The following SMYD3 variants were observed in gnomAD, a reference collection of about 807,000 sequenced individuals.
The protein encoded by SMYD3 is histone-lysine N-methyltransferase SMYD3.
SMYD3 carries 36 observed loss-of-function variants against 57.7 expected under a neutral mutation model. The ratio of observed to expected loss-of-function variants is 0.62; its 90% confidence interval spans 0.48 to 0.82. The LOEUF is 0.82. Ranked by LOEUF, SMYD3 falls within the 40% of genes least tolerant of loss-of-function variation. The pLI, the probability that SMYD3 is intolerant of heterozygous loss-of-function variation, is 0.00. For missense variants in SMYD3, 515 were observed against 538.8 expected (o/e 0.96, Z 0.44); for synonymous variants, 211 against 195.0 (o/e 1.08, Z -0.68).
At chr1:246,023,858 C>T (rs2059523633) in intron 5 of SMYD3, among the ~76,000 whole-genome samples, 1 of 123,380 alleles carries the variant, frequency 8.1e-6, no homozygotes, top group Admixed American at 7.7e-5. Flanking sequence ...TGAAAAATAT[C>T]ACCCAGTACT....
intron 5 of SMYD3, among the ~76,000 whole-genome samples, chr1:246,160,141 A>G (rs2062091608): frequency 6.6e-6 from 1 of 152,160 alleles, no homozygotes; most frequent in Admixed American, 6.5e-5. Context: ...CTGCTTTAAC[A>G]ATATGCCTCT....
At chr1:246,215,232 T>C (rs1415498788) in intron 5 of SMYD3, among the ~76,000 whole-genome samples, 1 of 152,104 alleles carries the variant, frequency 6.6e-6, no homozygotes. Flanking sequence ...TAAATACATC[T>C]TTGTTTGCAT....
At chr1:246,416,307 C>T (rs944421966) in intron 1 of SMYD3, among the ~76,000 whole-genome samples, 8 of 152,120 alleles carry the variant, frequency 5.3e-5, no homozygotes, top group Admixed American at 5.2e-4. Context: ...TTTTACATTA[C>T]AGAACTAATA....
chr1:245,938,436 C>T (rs895569644), intron 5 of SMYD3, among the ~76,000 whole-genome samples: 6 of 152,172 alleles, frequency 3.9e-5, no homozygotes, highest in African/African-American at 9.6e-5. Context: ...ACAGATCAGA[C>T]GAGAGAGAGT....
chr1:246,366,470 C>T (rs778103249), intron 1 of SMYD3, among the ~76,000 whole-genome samples: 3 of 151,982 alleles, frequency 2.0e-5, no homozygotes, highest in Non-Finnish European at 4.4e-5. Flanking sequence ...AGCCCCCTGG[C>T]AGGCTCCCCT....
At chr1:246,058,205 C>T (rs959490791) in intron 5 of SMYD3, among the ~76,000 whole-genome samples, 2 of 152,044 alleles carry the variant, frequency 1.3e-5, no homozygotes, top group Non-Finnish European at 2.9e-5. Context: ...CAAGAGTGAA[C>T]GCTAACAGAA....
chr1:245,977,600 A>C (rs561286361), intron 5 of SMYD3, among the ~76,000 whole-genome samples: 1 of 152,214 alleles, frequency 6.6e-6, no homozygotes, highest in East Asian at 1.9e-4. Context: ...AATTACATGA[A>C]CCCAGGAGGT....
At chr1:246,177,312 GA>G (rs1288734560) in intron 5 of SMYD3, among the ~76,000 whole-genome samples, 1 of 152,126 alleles carries the variant, frequency 6.6e-6, no homozygotes, top group Non-Finnish European at 1.5e-5. Flanking sequence ...CATCATTTAA[GA>G]GTTTATAAGT....
chr1:245,803,375 C>A (rs1301211547), intron 10 of SMYD3, among the ~76,000 whole-genome samples: 1 of 151,946 alleles, frequency 6.6e-6, no homozygotes, highest in Non-Finnish European at 1.5e-5. Flanking sequence ...ACAATTACCA[C>A]TACAAACCTG....
intron 5 of SMYD3, among the ~76,000 whole-genome samples, chr1:246,159,779 G>A (rs2062084471): frequency 6.6e-6 from 1 of 152,068 alleles, no homozygotes; most frequent in Admixed American, 6.5e-5. Flanking sequence ...AGTGAAATGG[G>A]AGCCACCGGT....
At chr1:246,263,319 G>A (rs545078835) in intron 5 of SMYD3, among the ~76,000 whole-genome samples, 1 of 150,246 alleles carries the variant, frequency 6.7e-6, no homozygotes. Context: ...AGAGATTATG[G>A]TGAGGACTAA....
intron 5 of SMYD3, among the ~76,000 whole-genome samples, chr1:245,986,184 T>C (rs2058701038): frequency 7.5e-6 from 1 of 132,540 alleles, no homozygotes; most frequent in Non-Finnish European, 1.7e-5. Context: ...GTTTCATCTC[T>C]TGTTTACTTC....
chr1:246,247,656 T>C (rs1336934632), intron 5 of SMYD3, among the ~76,000 whole-genome samples: 2 of 152,052 alleles, frequency 1.3e-5, no homozygotes, highest in African/African-American at 4.8e-5. Context: ...CTGAGTCAGC[T>C]ACTCATCACT....
chr1:245,945,749 G>A (rs2057409104), intron 5 of SMYD3, among the ~76,000 whole-genome samples: 1 of 152,050 alleles, frequency 6.6e-6, no homozygotes, highest in Admixed American at 6.5e-5. Context: ...AAAAAATCAT[G>A]GTACATATAC....
At chr1:246,164,432 A>AATAAATAG (rs1378681390) in intron 5 of SMYD3, among the ~76,000 whole-genome samples, 2 of 151,938 alleles carry the variant, frequency 1.3e-5, no homozygotes, top group African/African-American at 4.9e-5. Flanking sequence ...GAAATAAATA[A>AATAAATAG]ATAAATAGAT....
At chr1:246,416,142 T>A (rs1294771306) in intron 1 of SMYD3, among the ~76,000 whole-genome samples, 2 of 152,204 alleles carry the variant, frequency 1.3e-5, no homozygotes, top group African/African-American at 2.4e-5. Context: ...TAAATTTTTA[T>A]CCTGGGGTAA....
intron 5 of SMYD3, among the ~76,000 whole-genome samples, chr1:246,249,174 C>T (rs747069235): frequency 6.6e-6 from 1 of 151,654 alleles, no homozygotes; most frequent in African/African-American, 2.4e-5. Flanking sequence ...CAAAGTGGTG[C>T]GATCTCTGGC....
chr1:246,430,433 T>C (rs915854538), intron 1 of SMYD3, among the ~76,000 whole-genome samples: 7 of 152,076 alleles, frequency 4.6e-5, no homozygotes, highest in Admixed American at 2.6e-4. Context: ...AGTACTTGAG[T>C]TGAACTAGAG....
intron 5 of SMYD3, among the ~76,000 whole-genome samples, chr1:246,319,812 A>G (rs1486276559): frequency 2.0e-5 from 3 of 152,222 alleles, no homozygotes; most frequent in African/African-American, 7.2e-5. Context: ...ATATAACATG[A>G]TCAACTTTGT....
Sources: allele counts gnomAD v4.1 joint callset (sites outside exome capture counted in the v4.1 genomes callset), GRCh38; gene constraint gnomAD v4.1.1; transcripts MANE v1.5; gene names NCBI Gene and HGNC (gene_info 2026-07-23, HGNC 2026-07-21).